The following SLC34A2 variants were observed in gnomAD, a reference collection of about 807,000 sequenced individuals.
SLC34A2 encodes the protein solute carrier family 34 member 2, also known as sodium-dependent phosphate transport protein 2B.
In SLC34A2, 41 loss-of-function variants were observed where a neutral mutation model predicts 50.8. The ratio of observed to expected loss-of-function variants is 0.81; its 90% CI spans 0.63 to 1.05. The LOEUF is 1.05. SLC34A2 is among the 50% of genes least tolerant of loss of function. The pLI, the probability that SLC34A2 is intolerant of heterozygous loss-of-function variation, is 0.00. For synonymous variants in SLC34A2, 401 were observed against 364.2 expected, an observed-to-expected ratio of 1.10 and a Z score of -1.15; for missense variants, 879 against 876.7, an observed-to-expected ratio of 1.00 and a Z score of -0.03.
At position 25,677,670 on chromosome 4, in the gene SLC34A2, G is replaced by C. The variant is rs968435191; in HGVS notation, c.*921G>C. Reference sequence around the variant, plus strand: ...CCTGTTGGATCTTTTGAAATAAAACGTGCAAGTTATCCAGGCTCGTAGCCT... The same window carrying C: ...CCTGTTGGATCTTTTGAAATAAAACCTGCAAGTTATCCAGGCTCGTAGCCT... On this transcript the variant is annotated 3_prime_UTR_variant, in exon 13 of 13. Coordinates refer to ENST00000382051, the MANE Select transcript of SLC34A2 (RefSeq NM_006424.3). 6.6e-6 allele frequency: 1 copy of C among 152,126 alleles called. No homozygotes were observed. The highest frequency in any genetic ancestry group is 2.4e-5 in the African/African-American group (1 of 41,422). 9.4% of individuals were successfully genotyped at this position (152,126 alleles called of 1,614,324 possible). A position where few individuals can be genotyped will look rare whatever the true frequency, so the allele number is the denominator to read the frequency against.
At chr4:25,666,094 T>C in intron 4 of SLC34A2, 34 bp from the exon 5 acceptor site, 1 of 1,610,030 alleles carries the variant, frequency 6.2e-7, no homozygotes, top group Non-Finnish European at 8.5e-7. Context: ...GATCACGTTG[T>C]GATTGTTTTT....
At position 25,674,306 on chromosome 4, in the gene SLC34A2, T is replaced by C; in HGVS notation, c.1227T>C (p.Phe409=). 1 of 1,613,886 alleles carries C rather than the reference T, an allele frequency of 6.2e-7. No individual in the cohort carries two copies. Among genetic ancestry groups the C allele is most frequent in the Non-Finnish European group, 8.5e-7 (1 of 1,179,800 alleles). ...CCTTCTGTCTTCCAGATTTCCCCTTTCCCTTTGCATGGTTGACTGGCTACC... is the reference window on the plus strand; with the variant it reads ...CCTTCTGTCTTCCAGATTTCCCCTTCCCCTTTGCATGGTTGACTGGCTACC... ...IKKTINTDFP[F]PFAWLTGYLA... The change falls in exon 11 of 13, where the codon TTT becomes TTC. Residue 409 remains phenylalanine (F), a synonymous_variant. Transcript: ENST00000382051.
intron 4 of SLC34A2, 44 bp downstream of exon 4, chr4:25,664,374 C>A (rs774359424): frequency 6.2e-7 from 1 of 1,611,574 alleles, no homozygotes; most frequent in Non-Finnish European, 8.5e-7. Flanking sequence ...GGGGCATTAT[C>A]TTGAAATGTG....
intron 1 of SLC34A2, among the ~76,000 whole-genome samples, chr4:25,657,390 A>G (rs1420133473): frequency 6.6e-6 from 1 of 152,164 alleles, no homozygotes; most frequent in South Asian, 2.1e-4. Flanking sequence ...AGCAATCAGG[A>G]CATCCCAGGG....
chr4:25,676,207 C>G lies in SLC34A2; in HGVS notation c.1531C>G (p.Pro511Ala). 4 of 1,614,228 alleles carry G rather than the reference C, an allele frequency of 2.5e-6. No individual in the cohort carries two copies. Among genetic ancestry groups the G allele is most frequent in the Non-Finnish European group, 3.4e-6 (4 of 1,180,038 alleles). ...GTACCCGATCCCGTTCACTCGCCTGCCCATCCGCATGGCCAAGGGGCTGGG... is the reference window on the plus strand; with the variant it reads ...GTACCCGATCCCGTTCACTCGCCTGGCCATCCGCATGGCCAAGGGGCTGGG... ...LWYPIPFTRL[P>A]IRMAKGLGNI... The change falls in exon 13 of 13, where the codon CCC becomes GCC. Residue 511 changes from proline (P) to alanine (A), a missense_variant. Pro to Ala is a conservative substitution (Grantham distance 27, BLOSUM62 -1). Coordinates refer to ENST00000382051, the MANE Select transcript of SLC34A2 (RefSeq NM_006424.3).
At chr4:25,661,665 G>T (rs1301348758) in intron 1 of SLC34A2, among the ~76,000 whole-genome samples, 2 of 152,108 alleles carry the variant, frequency 1.3e-5, no homozygotes, top group African/African-American at 4.8e-5. Context: ...TGGAGTTACA[G>T]GCCTGAGCCA....
chr4:25,662,897 T>G, intron 3 of SLC34A2, 55 bp downstream of exon 3: 1 of 1,601,502 alleles, frequency 6.2e-7, no homozygotes, highest in African/African-American at 1.3e-5. Context: ...TGGTTCACGG[T>G]GTCATCATCC....
chr4:25,676,832 C>T lies in SLC34A2; in HGVS notation c.*83C>T. The T allele has an allele frequency of 1.3e-6, 2 of 1,585,754 alleles. No individual in the cohort carries two copies. Among genetic ancestry groups the T allele is most frequent in the South Asian group, 2.2e-5 (2 of 89,234 alleles). On this transcript the variant is annotated 3_prime_UTR_variant, in exon 13 of 13. Transcript: ENST00000382051. ...TCCCTCCCACTTCTGCACCCTTTCA[C>T]CACCTCGAGGAGATTTGCTCCCCAT...
At chr4:25,673,648 A>T (rs768582667) in intron 10 of SLC34A2, among the ~76,000 whole-genome samples, 1 of 152,184 alleles carries the variant, frequency 6.6e-6, no homozygotes, top group Non-Finnish European at 1.5e-5. Context: ...GCATAAATAC[A>T]TCAGCATCTA....
At position 25,676,260 on chromosome 4, in the gene SLC34A2, C is replaced by G. The variant is rs760073369; in HGVS notation, c.1584C>G (p.Phe528Leu). The change falls in exon 13 of 13, where the codon TTC becomes TTG. Residue 528 changes from phenylalanine to leucine, a missense_variant. Coordinates refer to ENST00000382051, the MANE Select transcript of SLC34A2 (RefSeq NM_006424.3). The part of the protein sequence containing the change: ...LGNISAKYRW[F>L]AVFYLIIFFF... ...ACATCTCTGCCAAGTATCGCTGGTT[C>G]GCCGTCTTCTACCTGATCATCTTCT... The G allele has an allele frequency of 2.8e-5, 45 of 1,614,198 alleles. No homozygotes were observed. Among genetic ancestry groups the G allele is most frequent in the Non-Finnish European group, 3.7e-5 (44 of 1,180,044 alleles).
intron 6 of SLC34A2, 52 bp from the exon 7 acceptor site, chr4:25,669,595 G>A: frequency 6.4e-7 from 1 of 1,553,922 alleles, no homozygotes. Context: ...CACCTCACAT[G>A]GTGCCCACTT....
intron 1 of SLC34A2, chr4:25,656,463 T>TA (rs1057343463): frequency 2.0e-5 from 3 of 152,196 alleles, no homozygotes; most frequent in African/African-American, 7.2e-5. Flanking sequence ...GAGACAGTCT[T>TA]AGTTTGTTTC....
intron 6 of SLC34A2, among the ~76,000 whole-genome samples, chr4:25,668,770 A>G (rs141895377): frequency 0.012 from 1,766 of 152,180 alleles, 42 homozygotes; most frequent in African/African-American, 0.038. Context: ...TTAATAAAAA[A>G]CAAAACCTAG....
At chr4:25,671,238 C>G (rs1484326503) in intron 8 of SLC34A2, among the ~76,000 whole-genome samples, 4 of 152,162 alleles carry the variant, frequency 2.6e-5, no homozygotes, top group African/African-American at 9.7e-5. Flanking sequence ...TCCCCCTGCT[C>G]GGGCCCAGAG....
Position 25,676,697 on chromosome 4 carries a change from C to A in SLC34A2, c.2021C>A (p.Ala674Asp). 6.2e-7 allele frequency: 1 copy of A among 1,614,184 alleles called. No individual in the cohort carries two copies. Among genetic ancestry groups the A allele is most frequent in the South Asian group, 1.1e-5 (1 of 91,086 alleles). The change falls in exon 13 of 13, where the codon GCT (alanine) becomes GAT (aspartate). Residue 674 changes from alanine to aspartate, a missense_variant. Ala to Asp is a moderately radical substitution (Grantham distance 126). Transcript: ENST00000382051. Reference sequence around the variant, plus strand: ...GATAACATAACCATTAGCAGAGAGGCTCAGGGTGAGGTCCCTGCCTCGGAC... The same window carrying A: ...GATAACATAACCATTAGCAGAGAGGATCAGGGTGAGGTCCCTGCCTCGGAC... ...TFDNITISRE[A>D]QGEVPASDSK...
At chr4:25,658,221 G>A (rs1287924049) in intron 1 of SLC34A2, among the ~76,000 whole-genome samples, 1 of 152,154 alleles carries the variant, frequency 6.6e-6, no homozygotes, top group East Asian at 1.9e-4. Context: ...CAAGTGCCAG[G>A]CACAAAGTCT....
intron 3 of SLC34A2, among the ~76,000 whole-genome samples, chr4:25,663,168 C>T (rs936325710): frequency 1.1e-4 from 17 of 152,168 alleles, no homozygotes; most frequent in African/African-American, 4.1e-4. Flanking sequence ...GTTGGCCAGG[C>T]TGGTCTCGAA....
At chr4:25,674,818 G>C (rs1040025309) in intron 12 of SLC34A2, among the ~76,000 whole-genome samples, 189 bp downstream of exon 12, 1 of 152,206 alleles carries the variant, frequency 6.6e-6, no homozygotes, top group African/African-American at 2.4e-5. Context: ...TCAGTTCTGA[G>C]AGAAGCAGTA....
intron 10 of SLC34A2, among the ~76,000 whole-genome samples, chr4:25,673,669 A>G (rs902523837): frequency 6.6e-5 from 10 of 152,318 alleles, no homozygotes; most frequent in Admixed American, 1.3e-4. Flanking sequence ...GAGGTGGCCA[A>G]TGAGACTGCT....
Sources: allele counts gnomAD v4.1 joint callset (sites outside exome capture counted in the v4.1 genomes callset), GRCh38; gene constraint gnomAD v4.1.1; transcripts MANE v1.5; gene names NCBI Gene and HGNC (gene_info 2026-07-23, HGNC 2026-07-21).